Variants in SUCLG2 observed in about 807,000 individuals in gnomAD.
SUCLG2 encodes succinate--CoA ligase [GDP-forming] subunit beta, mitochondrial.
A neutral mutation model predicts 47.9 loss-of-function variants in SUCLG2; 42 were observed. The ratio of observed to expected loss-of-function variants is 0.88; its 90% confidence interval spans 0.69 to 1.14. SUCLG2 has a LOEUF of 1.14. SUCLG2 is among the 50% of genes most tolerant of loss of function. The probability of loss-of-function intolerance (pLI) is 0.00; values close to 1 mark genes in which losing one functional copy is unlikely to be tolerated. For synonymous variants in SUCLG2, 195 were observed against 197.3 expected (o/e 0.99, Z 0.10); for missense variants, 571 against 525.9 (o/e 1.09, Z -0.84).
chr3:67,478,208 C>G (rs1007001576), intron 9 of SUCLG2, among the ~76,000 whole-genome samples: 1 of 152,202 alleles, frequency 6.6e-6, no homozygotes, highest in African/African-American at 2.4e-5. Flanking sequence ...CCACAATACC[C>G]ATAGCCCTGA....
intron 10 of SUCLG2, among the ~76,000 whole-genome samples, chr3:67,389,894 G>A (rs1022277631): frequency 3.9e-5 from 6 of 152,132 alleles, no homozygotes; most frequent in African/African-American, 1.4e-4. Flanking sequence ...AATTGGCTCA[G>A]ACTCCCACAA....
At chr3:67,464,101 C>T (rs987919628) in intron 9 of SUCLG2, among the ~76,000 whole-genome samples, 9 of 152,184 alleles carry the variant, frequency 5.9e-5, no homozygotes, top group African/African-American at 2.2e-4. Context: ...GAGACCTGGC[C>T]CAAGCCCATT....
At chr3:67,630,745 TAC>T (rs1325754668) in intron 1 of SUCLG2, among the ~76,000 whole-genome samples, 4 of 152,200 alleles carry the variant, frequency 2.6e-5, no homozygotes, top group East Asian at 1.9e-4. Context: ...CAATCCTCAT[TAC>T]ACAGTGTTCC....
chr3:67,570,523 C>T (rs190850091), intron 2 of SUCLG2, among the ~76,000 whole-genome samples: 243 of 152,264 alleles, frequency 1.6e-3, no homozygotes, highest in African/African-American at 5.6e-3. Context: ...AGCCAATAGT[C>T]TTAGGTTAGG....
chr3:67,405,168 G>A (rs1157817781), intron 9 of SUCLG2, among the ~76,000 whole-genome samples: 1 of 152,028 alleles, frequency 6.6e-6, no homozygotes, highest in East Asian at 1.9e-4. Context: ...ACAGGGCCCG[G>A]GTCCCCAGAC....
chr3:67,581,988 A>T (rs1309907324), intron 2 of SUCLG2, among the ~76,000 whole-genome samples: 1 of 152,228 alleles, frequency 6.6e-6, no homozygotes, highest in Non-Finnish European at 1.5e-5. Context: ...TAAGAAGCCA[A>T]ATTAGGAACT....
At chr3:67,600,215 G>C (rs1303103124) in intron 2 of SUCLG2, among the ~76,000 whole-genome samples, 1 of 152,068 alleles carries the variant, frequency 6.6e-6, no homozygotes, top group South Asian at 2.1e-4. Flanking sequence ...AAAAAACATA[G>C]CTTCACACTT....
At chr3:67,395,059 G>A (rs527628495) in intron 10 of SUCLG2, among the ~76,000 whole-genome samples, 13 of 151,822 alleles carry the variant, frequency 8.6e-5, no homozygotes, top group East Asian at 1.9e-4. Context: ...TACCAGCCGC[G>A]GCAAAATCAT....
intron 9 of SUCLG2, among the ~76,000 whole-genome samples, chr3:67,414,046 A>C (rs748333665): frequency 2.0e-5 from 3 of 152,166 alleles, no homozygotes; most frequent in Non-Finnish European, 2.9e-5. Context: ...AAATGTCTTG[A>C]CCTGCCACCT....
chr3:67,467,258 ATCTC>A (rs1429733654), intron 9 of SUCLG2, among the ~76,000 whole-genome samples: 1 of 152,194 alleles, frequency 6.6e-6, no homozygotes, highest in African/African-American at 2.4e-5. Flanking sequence ...ACTAGCTACA[ATCTC>A]TCATACATCA....
intron 1 of SUCLG2, among the ~76,000 whole-genome samples, chr3:67,627,425 T>C (rs768347731): frequency 6.6e-6 from 1 of 152,188 alleles, no homozygotes; most frequent in East Asian, 1.9e-4. Flanking sequence ...TCTCATTAGA[T>C]CTGAACAGCA....
intron 2 of SUCLG2, among the ~76,000 whole-genome samples, chr3:67,592,722 AAAAAAAAAAAAAAACAAC>A (rs1055143780): frequency 7.8e-5 from 9 of 114,850 alleles, no homozygotes; most frequent in East Asian, 2.5e-4. Flanking sequence ...ATCCTCCAAA[AAAAAAAAAAAAAAACAAC>A]AAAAAAAAAC....
chr3:67,556,606 C>T lies in SUCLG2; in HGVS notation c.227-27420G>A, dbSNP rs533094767. Among the ~76,000 whole-genome samples the T allele has an allele frequency of 5.3e-5, 8 of 152,174 alleles. No individual in the cohort carries two copies. The East Asian group carries it at 1.5e-3, about 29-fold the overall frequency. ...GTCTGCTGGTCAAGCCACAAAACATCCTACTGTATCTGCATATATTTCTTG... is the reference window on the plus strand; with the variant it reads ...GTCTGCTGGTCAAGCCACAAAACATTCTACTGTATCTGCATATATTTCTTG... On this transcript the variant is annotated intron_variant, in intron 2 of 10. Coordinates refer to ENST00000307227, the MANE Select transcript of SUCLG2 (RefSeq NM_003848.4).
chr3:67,643,299 C>T (rs947190444), intron 1 of SUCLG2, among the ~76,000 whole-genome samples: 3 of 152,098 alleles, frequency 2.0e-5, no homozygotes, highest in African/African-American at 7.2e-5. Flanking sequence ...CTGGGTAAAT[C>T]ATTATCTTAC....
chr3:67,363,362 T>C (rs1037045853), intron 10 of SUCLG2, among the ~76,000 whole-genome samples: 1 of 152,190 alleles, frequency 6.6e-6, no homozygotes, highest in Non-Finnish European at 1.5e-5. Context: ...CACTAATACA[T>C]TTCTTAACAG....
At chr3:67,612,596 T>C (rs951762348) in intron 1 of SUCLG2, among the ~76,000 whole-genome samples, 7 of 152,200 alleles carry the variant, frequency 4.6e-5, no homozygotes, top group African/African-American at 1.7e-4. Context: ...GTTAAAACAA[T>C]CAGGAAATGT....
At chr3:67,598,822 C>T (rs1408557205) in intron 2 of SUCLG2, among the ~76,000 whole-genome samples, 2 of 152,194 alleles carry the variant, frequency 1.3e-5, no homozygotes, top group Admixed American at 6.5e-5. Flanking sequence ...GTAGACACTA[C>T]TGACATCCCA....
intron 7 of SUCLG2, among the ~76,000 whole-genome samples, chr3:67,500,188 A>G (rs968593032): frequency 1.3e-5 from 2 of 152,234 alleles, no homozygotes; most frequent in African/African-American, 4.8e-5. Context: ...AGCAGTGGCT[A>G]TAATCTCCTA....
intron 6 of SUCLG2, among the ~76,000 whole-genome samples, chr3:67,510,357 C>T (rs1177904825): frequency 3.9e-5 from 6 of 152,180 alleles, no homozygotes; most frequent in South Asian, 2.1e-4. Context: ...AACGAACCCA[C>T]ATAATGAGTA....
Sources: allele counts gnomAD v4.1 joint callset (sites outside exome capture counted in the v4.1 genomes callset), GRCh38; gene constraint gnomAD v4.1.1; transcripts MANE v1.5; gene names NCBI Gene and HGNC (gene_info 2026-07-23, HGNC 2026-07-21).